Variants in FRMD4A observed in about 807,000 individuals in gnomAD.
FRMD4A encodes the protein FERM domain-containing protein 4A.
FRMD4A carries 29 observed loss-of-function variants against 129.1 expected under a neutral mutation model. That is an observed-to-expected ratio of 0.22 (90% CI 0.17 to 0.31). FRMD4A has a LOEUF of 0.31. Among genes scored for constraint, FRMD4A ranks in the 10% least tolerant of loss-of-function variants. The pLI, the probability that FRMD4A is intolerant of heterozygous loss-of-function variation, is 1.00. For synonymous variants in FRMD4A, 634 were observed against 571.6 expected, an observed-to-expected ratio of 1.11 and a Z score of -1.56; for missense variants, 1,272 against 1,375.8, an observed-to-expected ratio of 0.92 and a Z score of 1.19.
At chr10:14,185,809 A>G (rs6602712) in intron 2 of FRMD4A, among the ~76,000 whole-genome samples, 76,008 of 152,096 alleles carry the variant, frequency 0.5, 20,492 homozygotes, top group African/African-American at 0.72. Flanking sequence ...TGGGCGGAAT[A>G]GGGTAGACAG....
intron 2 of FRMD4A, among the ~76,000 whole-genome samples, chr10:14,208,780 G>A (rs1245153173): frequency 6.6e-6 from 1 of 152,160 alleles, no homozygotes; most frequent in East Asian, 1.9e-4. Flanking sequence ...CTCTTCTCAT[G>A]CACCTGTATC....
intron 2 of FRMD4A, among the ~76,000 whole-genome samples, chr10:14,294,203 T>C (rs7901154): frequency 0.32 from 48,099 of 152,052 alleles, 7,985 homozygotes; most frequent in Middle Eastern, 0.37. Context: ...TTCTTCTTTA[T>C]ACTAGCCATA....
intron 2 of FRMD4A, among the ~76,000 whole-genome samples, chr10:14,049,223 G>A (rs1834142265): frequency 6.6e-6 from 1 of 151,316 alleles, no homozygotes; most frequent in Admixed American, 6.6e-5. Context: ...TAAAAATGAA[G>A]ATGGTAATAA....
At position 13,741,650 on chromosome 10, in the gene FRMD4A, T is replaced by A. The variant is rs113862679; in HGVS notation, c.549-1073A>T. On this transcript the variant is annotated intron_variant, in intron 9 of 24. Coordinates refer to ENST00000357447, the MANE Select transcript of FRMD4A (RefSeq NM_018027.5). ...GGGCCTCATGGGGGAATGGCAGGCA[T>A]TGACCTTAACCAAGTGCCCACAGCC... 2.8e-4 allele frequency among the ~76,000 whole-genome samples: 43 copies of A among 152,246 alleles called. 2 individuals carry two copies. The highest frequency in any genetic ancestry group is 9.9e-4 in the African/African-American group (41 of 41,570).
At chr10:13,795,611 A>G (rs923366420) in intron 5 of FRMD4A, among the ~76,000 whole-genome samples, 1 of 152,200 alleles carries the variant, frequency 6.6e-6, no homozygotes, top group Non-Finnish European at 1.5e-5. Context: ...GTTGTATGGC[A>G]TGGGTGTAAG....
chr10:14,314,805 C>T (rs371198866), intron 2 of FRMD4A, among the ~76,000 whole-genome samples: 24 of 152,262 alleles, frequency 1.6e-4, no homozygotes, highest in African/African-American at 5.8e-4. Flanking sequence ...CTCCCCATCG[C>T]CTACAAATTT....
intron 2 of FRMD4A, among the ~76,000 whole-genome samples, chr10:13,887,556 G>A (rs1331872963): frequency 2.0e-5 from 3 of 152,164 alleles, no homozygotes; most frequent in Non-Finnish European, 2.9e-5. Flanking sequence ...GCACGTGCCT[G>A]TATTCCCAGC....
intron 2 of FRMD4A, among the ~76,000 whole-genome samples, chr10:14,212,014 T>C (rs904967333): frequency 6.6e-6 from 1 of 152,168 alleles, no homozygotes; most frequent in African/African-American, 2.4e-5. Context: ...AGATGATGCC[T>C]GGGGTACAGA....
At chr10:13,703,013 T>C (rs2087013468) in intron 13 of FRMD4A, among the ~76,000 whole-genome samples, 1 of 151,322 alleles carries the variant, frequency 6.6e-6, no homozygotes, top group Non-Finnish European at 1.5e-5. Context: ...CCCTCGCCAG[T>C]CTCTCTAAAT....
At chr10:13,726,824 A>G (rs1022466002) in intron 12 of FRMD4A, among the ~76,000 whole-genome samples, 8 of 152,140 alleles carry the variant, frequency 5.3e-5, no homozygotes, top group Non-Finnish European at 1.0e-4. Flanking sequence ...CTGGTCTCCA[A>G]CTGCTACCAT....
At chr10:14,141,163 G>A (rs546503230) in intron 2 of FRMD4A, among the ~76,000 whole-genome samples, 11 of 152,238 alleles carry the variant, frequency 7.2e-5, no homozygotes, top group African/African-American at 2.4e-4. Flanking sequence ...GCTTTATCGG[G>A]TACCTGTAGC....
chr10:14,233,333 G>A (rs1843696934), intron 2 of FRMD4A, among the ~76,000 whole-genome samples: 1 of 152,206 alleles, frequency 6.6e-6, no homozygotes, highest in Non-Finnish European at 1.5e-5. Flanking sequence ...ACTTTGGGAG[G>A]CCGAGGAGGG....
intron 23 of FRMD4A, 184 bp downstream of exon 23, chr10:13,654,232 C>T (rs1470863014): frequency 3.2e-6 from 2 of 620,306 alleles, no homozygotes; most frequent in Admixed American, 2.7e-5. Flanking sequence ...TCTATAAAGG[C>T]ACAGCCAGGA....
chr10:13,713,884 T>C (rs9664240), intron 12 of FRMD4A, among the ~76,000 whole-genome samples: 8 of 124,502 alleles, frequency 6.4e-5, no homozygotes, highest in South Asian at 5.6e-4. Flanking sequence ...ATGTAATATA[T>C]ATACATATAT....
At chr10:14,310,192 C>T (rs1564456221) in intron 2 of FRMD4A, among the ~76,000 whole-genome samples, 2 of 152,164 alleles carry the variant, frequency 1.3e-5, no homozygotes, top group Non-Finnish European at 1.5e-5. Context: ...CTTGAGCTCT[C>T]GCCTTATTGG....
intron 2 of FRMD4A, among the ~76,000 whole-genome samples, chr10:14,207,341 A>G (rs1172518232): frequency 1.3e-5 from 2 of 152,144 alleles, no homozygotes; most frequent in African/African-American, 2.4e-5. Context: ...CAAGCGCATT[A>G]CATTTATTGT....
Position 13,740,506 on chromosome 10 carries a change from A to G in FRMD4A, c.614+6T>C. The G allele has an allele frequency of 6.5e-7, 1 of 1,541,162 alleles. No homozygotes were observed. Among genetic ancestry groups the G allele is most frequent in the Non-Finnish European group, 9.0e-7 (1 of 1,115,668 alleles). Reference sequence around the variant, plus strand: ...TCCCCATGTGAGCTGGGAAGGGGCCACTTACTTTACGATTGCTTGACCTCT... The same window carrying G: ...TCCCCATGTGAGCTGGGAAGGGGCCGCTTACTTTACGATTGCTTGACCTCT... On this transcript the variant is annotated splice_donor_region_variant and intron_variant, in intron 10 of 24. Coordinates refer to ENST00000357447, the MANE Select transcript of FRMD4A (RefSeq NM_018027.5).
At chr10:13,867,099 C>T (rs1328991666) in intron 2 of FRMD4A, among the ~76,000 whole-genome samples, 1 of 152,152 alleles carries the variant, frequency 6.6e-6, no homozygotes, top group African/African-American at 2.4e-5. Context: ...AACCCTAACA[C>T]AATACAATTT....
chr10:14,011,340 A>T (rs2095681611), intron 2 of FRMD4A, among the ~76,000 whole-genome samples: 1 of 152,182 alleles, frequency 6.6e-6, no homozygotes, highest in Non-Finnish European at 1.5e-5. Flanking sequence ...GCTAAGAACC[A>T]CAAAGGGGGA....
Sources: allele counts gnomAD v4.1 joint callset (sites outside exome capture counted in the v4.1 genomes callset), GRCh38; gene constraint gnomAD v4.1.1; transcripts MANE v1.5; gene names NCBI Gene and HGNC (gene_info 2026-07-23, HGNC 2026-07-21).